Variants in EYA2 observed in about 807,000 individuals in gnomAD.
EYA2 encodes protein phosphatase EYA2.
In EYA2, 31 loss-of-function variants were observed where a neutral mutation model predicts 69.2. The ratio of observed to expected loss-of-function variants is 0.45; its 90% CI spans 0.34 to 0.60. EYA2 has a LOEUF of 0.60. Among genes scored for constraint, EYA2 ranks in the 20% least tolerant of loss-of-function variants. EYA2 has a pLI of 0.02. For synonymous variants in EYA2, 257 were observed against 279.4 expected, an observed-to-expected ratio of 0.92 and a Z score of 0.80; for missense variants, 622 against 701.2, an observed-to-expected ratio of 0.89 and a Z score of 1.28.
At chr20:46,951,902 C>A (rs1978826458) in intron 1 of EYA2, among the ~76,000 whole-genome samples, 1 of 152,212 alleles carries the variant, frequency 6.6e-6, no homozygotes, top group African/African-American at 2.4e-5. Context: ...AAGAATTCTG[C>A]CACCTCCTGA....
At chr20:47,076,261 A>G (rs1306710370) in intron 7 of EYA2, among the ~76,000 whole-genome samples, 1 of 152,218 alleles carries the variant, frequency 6.6e-6, no homozygotes, top group Non-Finnish European at 1.5e-5. Flanking sequence ...GTTTCATTTT[A>G]AGTTCCTTGA....
chr20:47,185,627 G>T (rs2034625034), intron 15 of EYA2, among the ~76,000 whole-genome samples: 1 of 152,132 alleles, frequency 6.6e-6, no homozygotes, highest in Non-Finnish European at 1.5e-5. Flanking sequence ...AAGAGGGCAG[G>T]ATTGGCCAGG....
intron 15 of EYA2, 141 bp downstream of exon 15, chr20:47,183,532 T>C: frequency 1.5e-6 from 1 of 662,780 alleles, no homozygotes; most frequent in Non-Finnish European, 2.6e-6. Flanking sequence ...GCCAGTCCAT[T>C]CCATTTGCAA....
intron 1 of EYA2, among the ~76,000 whole-genome samples, chr20:46,987,689 G>A (rs1422584068): frequency 1.3e-5 from 2 of 152,104 alleles, no homozygotes; most frequent in Non-Finnish European, 2.9e-5. Context: ...CACTTTGGGA[G>A]GCTGAGGCAG....
intron 5 of EYA2, among the ~76,000 whole-genome samples, chr20:47,063,064 A>T (rs2146456541): frequency 6.6e-6 from 1 of 152,220 alleles, no homozygotes; most frequent in African/African-American, 2.4e-5. Flanking sequence ...TTAAGGTAAA[A>T]TTCCCATAAC....
chr20:47,021,619 T>C (rs1354917780), intron 5 of EYA2, among the ~76,000 whole-genome samples: 2 of 98,976 alleles, frequency 2.0e-5, no homozygotes, highest in African/African-American at 4.0e-5. Flanking sequence ...AAAGCGAGAC[T>C]CCATCTCAAA....
intron 1 of EYA2, among the ~76,000 whole-genome samples, chr20:46,910,952 A>G (rs74319811): frequency 0.059 from 9,010 of 152,238 alleles, 611 homozygotes; most frequent in African/African-American, 0.17. Flanking sequence ...TTTTAGGTGG[A>G]TAAGTTAGTT....
chr20:47,065,743 CTATT>C (rs1475543811), intron 5 of EYA2, among the ~76,000 whole-genome samples: 3 of 152,160 alleles, frequency 2.0e-5, no homozygotes, highest in Non-Finnish European at 2.9e-5. Context: ...TTCAATTTCT[CTATT>C]TATCTCATCA....
At position 46,978,547 on chromosome 20, in the gene EYA2, A is replaced by G. The variant is rs371941239; in HGVS notation, c.-10-11454A>G. ...AGCGTGCTGGAATCAGATATTGGAC[A>G]AGGAGAAGCCAGATCAAGGCTGTGT... On this transcript the variant is annotated intron_variant, in intron 1 of 15. Transcript: ENST00000327619. The G allele has an allele frequency of 1.2e-3, 615 of 534,704 alleles. 6 individuals are homozygous for G. The highest frequency in any genetic ancestry group is 7.0e-3 in the Middle Eastern group (22 of 3,148). 33.1% of individuals were successfully genotyped at this position (534,704 alleles called of 1,614,324 possible).
chr20:46,975,481 G>A (rs981448937), intron 1 of EYA2, among the ~76,000 whole-genome samples: 2 of 152,108 alleles, frequency 1.3e-5, no homozygotes, highest in South Asian at 2.1e-4. Flanking sequence ...ACCAGCCTGG[G>A]CAACACAGTG....
intron 5 of EYA2, among the ~76,000 whole-genome samples, chr20:47,049,860 A>ACC (rs57648069): frequency 0.12 from 15,389 of 125,490 alleles, 1,095 homozygotes; most frequent in Non-Finnish European, 0.18. Context: ...TCTGTGACAG[A>ACC]CCCCCCCCCC....
intron 1 of EYA2, among the ~76,000 whole-genome samples, chr20:46,987,964 CTATATATATATATATATATA>C (rs71183225): frequency 2.7e-4 from 3 of 11,282 alleles, no homozygotes; most frequent in South Asian, 4.8e-3. Flanking sequence ...CTCTCTCTCT[CTATATATATATATATATATA>C]TATATATATA....
intron 1 of EYA2, among the ~76,000 whole-genome samples, chr20:46,971,374 A>G (rs1223697627): frequency 6.6e-6 from 1 of 152,080 alleles, no homozygotes; most frequent in Non-Finnish European, 1.5e-5. Flanking sequence ...CCAAGATGGC[A>G]CTCCATCACA....
At chr20:46,983,937 T>A (rs1981007308) in intron 1 of EYA2, among the ~76,000 whole-genome samples, 1 of 152,222 alleles carries the variant, frequency 6.6e-6, no homozygotes, top group African/African-American at 2.4e-5. Context: ...AGACAATATT[T>A]TATAGCTGTT....
rs11470455 is a variant in EYA2, at chr20:47,167,280, C to CTTTTTTT, written c.979-1846_979-1840dup. ...TCTGAGAGGAGAATCGGTTTTTTTA[C>CTTTTTTT]TTTTTTTTTTTTTTTTTTTGAGACA... On this transcript the variant is annotated intron_variant, in intron 10 of 15. Coordinates refer to ENST00000327619, the MANE Select transcript of EYA2 (RefSeq NM_005244.5). Among the ~76,000 whole-genome samples the CTTTTTTT allele has an allele frequency of 2.8e-4, 31 of 111,716 alleles. 3 individuals carry two copies. The highest frequency in any genetic ancestry group is 3.1e-4 in the Non-Finnish European group (18 of 58,036). 73.3% of individuals were successfully genotyped at this position (111,716 alleles called of 152,430 possible). A position where few individuals can be genotyped will look rare whatever the true frequency, so the allele number is the denominator to read the frequency against.
chr20:46,994,377 G>A (rs942600803), intron 2 of EYA2, among the ~76,000 whole-genome samples: 4 of 152,202 alleles, frequency 2.6e-5, no homozygotes, highest in African/African-American at 9.7e-5. Flanking sequence ...GTGGTGGGGA[G>A]TTCCCCTGAA....
chr20:46,905,363 A>T (rs1984302763), intron 1 of EYA2, among the ~76,000 whole-genome samples: 1 of 152,176 alleles, frequency 6.6e-6, no homozygotes, highest in African/African-American at 2.4e-5. Flanking sequence ...GGTCACAAAC[A>T]ATCATGGTGG....
intron 11 of EYA2, among the ~76,000 whole-genome samples, chr20:47,171,174 A>G (rs560460669): frequency 3.3e-5 from 5 of 152,328 alleles, no homozygotes; most frequent in African/African-American, 1.2e-4. Flanking sequence ...TTCTGTTTCT[A>G]TAGTTTCCCC....
intron 1 of EYA2, among the ~76,000 whole-genome samples, chr20:46,947,751 T>C (rs1021009370): frequency 1.3e-5 from 2 of 152,136 alleles, no homozygotes; most frequent in African/African-American, 4.8e-5. Context: ...TAACTTTCAA[T>C]AGAGTGAAGA....
Sources: gnomAD v4.1 joint callset for allele counts (sites outside exome capture counted in the v4.1 genomes callset) on GRCh38, gnomAD v4.1.1 for gene constraint, MANE v1.5 for transcripts, NCBI Gene and HGNC (gene_info 2026-07-23, HGNC 2026-07-21) for gene names.